TMEM132D: variants seen among roughly 807,000 people sequenced by gnomAD.
TMEM132D encodes transmembrane protein 132D.
In TMEM132D, 21 loss-of-function variants were observed where a neutral mutation model predicts 62.3. That is an observed-to-expected ratio of 0.34 (90% CI 0.24 to 0.49). TMEM132D has a LOEUF of 0.49. Among genes scored for constraint, TMEM132D ranks in the 20% least tolerant of loss-of-function variants. The pLI, the probability that TMEM132D is intolerant of heterozygous loss-of-function variation, is 0.99. For missense variants in TMEM132D, 1,346 were observed against 1,402.8 expected (o/e 0.96, Z 0.65); for synonymous variants, 621 against 575.6 (o/e 1.08, Z -1.13).
intron 5 of TMEM132D, among the ~76,000 whole-genome samples, chr12:129,113,627 T>A (rs974998361): frequency 2.0e-5 from 3 of 152,054 alleles, no homozygotes; most frequent in South Asian, 2.1e-4. Flanking sequence ...TGTTCTAGGG[T>A]GGAGAGTTTG....
rs542496038 is a variant in TMEM132D, at chr12:129,832,678, C to T, written c.79+70583G>A. ...GCCCGGCAGGTGAAGGGCTGAGGTG[C>T]GCAGGCTCAGAGATAGTCAGGGGAC... is the stretch of plus-strand genomic sequence containing the variant. On this transcript the variant is annotated intron_variant, in intron 1 of 8. Coordinates refer to ENST00000422113, the MANE Select transcript of TMEM132D (RefSeq NM_133448.3). 3.4e-3 allele frequency among the ~76,000 whole-genome samples: 510 copies of T among 152,228 alleles called. 1 individual carries two copies. Among genetic ancestry groups the T allele is most frequent in the Non-Finnish European group, 5.3e-3 (358 of 68,016 alleles).
chr12:129,419,898 G>T (rs761233070), intron 3 of TMEM132D, among the ~76,000 whole-genome samples: 11 of 152,032 alleles, frequency 7.2e-5, no homozygotes, highest in Non-Finnish European at 1.2e-4. Context: ...ATGTGGGAGG[G>T]GGTGGGTCAC....
chr12:129,427,027 G>T (rs752477029), intron 3 of TMEM132D, among the ~76,000 whole-genome samples: 3 of 152,196 alleles, frequency 2.0e-5, no homozygotes, highest in Non-Finnish European at 4.4e-5. Flanking sequence ...CAGGGGCAGT[G>T]GAGCCAACCT....
chr12:129,330,069 T>C (rs1869054300), intron 4 of TMEM132D, among the ~76,000 whole-genome samples: 1 of 152,140 alleles, frequency 6.6e-6, no homozygotes, highest in South Asian at 2.1e-4. Flanking sequence ...CATGCCTTAA[T>C]CGAGAAGATT....
chr12:129,580,940 T>C (rs1038397164), intron 2 of TMEM132D, among the ~76,000 whole-genome samples: 1 of 152,154 alleles, frequency 6.6e-6, no homozygotes, highest in African/African-American at 2.4e-5. Flanking sequence ...TTTTCTCAAT[T>C]GGCATTACTC....
intron 1 of TMEM132D, among the ~76,000 whole-genome samples, chr12:129,775,435 GC>G (rs1870889953): frequency 6.6e-6 from 1 of 152,110 alleles, no homozygotes; most frequent in African/African-American, 2.4e-5. Context: ...CTGTGCAGAG[GC>G]CCCTCTCAAG....
At chr12:129,777,783 C>CA (rs796484784) in intron 1 of TMEM132D, among the ~76,000 whole-genome samples, 78 of 151,680 alleles carry the variant, frequency 5.1e-4, no homozygotes, top group African/African-American at 1.8e-3. Flanking sequence ...ACATATAAAA[C>CA]AAAAAAAATC....
At chr12:129,209,725 T>G in intron 4 of TMEM132D, 62 bp from the exon 5 acceptor site, 2 of 1,593,142 alleles carry the variant, frequency 1.3e-6, no homozygotes, top group South Asian at 2.3e-5. Flanking sequence ...TCCCTGGGAG[T>G]ATGCCGCCTG....
intron 3 of TMEM132D, among the ~76,000 whole-genome samples, chr12:129,457,153 C>T (rs1009723491): frequency 2.8e-4 from 42 of 151,720 alleles, no homozygotes; most frequent in African/African-American, 4.4e-4. Context: ...ATGTTTATTG[C>T]GGCACTATTC....
At chr12:129,085,613 T>C (rs1874591739) in intron 5 of TMEM132D, 1 of 152,220 alleles carries the variant, frequency 6.6e-6, no homozygotes, top group South Asian at 2.1e-4. Flanking sequence ...CGGATTCCTT[T>C]CATCCTCAGA....
intron 1 of TMEM132D, among the ~76,000 whole-genome samples, chr12:129,733,044 C>T (rs1398702085): frequency 6.6e-6 from 1 of 152,226 alleles, no homozygotes; most frequent in Non-Finnish European, 1.5e-5. Context: ...ACCTCACACT[C>T]TTGGTTTGAT....
intron 1 of TMEM132D, among the ~76,000 whole-genome samples, chr12:129,839,555 G>A (rs1239717883): frequency 6.6e-6 from 1 of 152,084 alleles, no homozygotes; most frequent in Non-Finnish European, 1.5e-5. Flanking sequence ...GATCCACTGT[G>A]CCCGGCCTTA....
chr12:129,528,001 A>G (rs546969732), intron 3 of TMEM132D, among the ~76,000 whole-genome samples: 2 of 152,224 alleles, frequency 1.3e-5, no homozygotes, highest in Non-Finnish European at 2.9e-5. Flanking sequence ...CTTCATTAAC[A>G]CAACTTCCTG....
At chr12:129,160,292 G>C (rs146290743) in intron 5 of TMEM132D, among the ~76,000 whole-genome samples, 1 of 152,328 alleles carries the variant, frequency 6.6e-6, no homozygotes, top group African/African-American at 2.4e-5. Flanking sequence ...AAGTGGGCTG[G>C]AATAGTTGGC....
In TMEM132D at chr12:129,580,939, T is replaced by C. The variant is rs73439523; in HGVS notation, c.969-49734A>G. Among the ~76,000 whole-genome samples, 577 of 152,272 alleles carry C rather than the reference T, an allele frequency of 3.8e-3. 6 individuals carry two copies. The highest frequency in any genetic ancestry group is 0.013 in the African/African-American group (549 of 41,546). ...CCATCAATTGTACCAGTTTTCTCAA[T>C]TGGCATTACTCTGCAATGCACGGAC... On this transcript the variant is annotated intron_variant, in intron 2 of 8. Coordinates refer to ENST00000422113, the MANE Select transcript of TMEM132D (RefSeq NM_133448.3).
At position 129,221,983 on chromosome 12, in the gene TMEM132D, A is replaced by G. The variant is rs1432861679; in HGVS notation, c.1300-12320T>C. On this transcript the variant is annotated intron_variant, in intron 4 of 8. Transcript: ENST00000422113. ...CTTCTTTTGACAAGTGCAGAGTATCAGTCAAATTGGCACCTGCATTGCAAA... is the reference window on the plus strand; with the variant it reads ...CTTCTTTTGACAAGTGCAGAGTATCGGTCAAATTGGCACCTGCATTGCAAA... 2.0e-5 allele frequency among the ~76,000 whole-genome samples: 3 copies of G among 152,364 alleles called. No homozygotes were observed. The East Asian group carries it at 5.8e-4, about 29-fold the overall frequency.
At chr12:129,146,878 T>C (rs549544207) in intron 5 of TMEM132D, among the ~76,000 whole-genome samples, 1 of 152,174 alleles carries the variant, frequency 6.6e-6, no homozygotes, top group Admixed American at 6.5e-5. Context: ...ACTGCTGTTA[T>C]CTTCATTCTA....
intron 1 of TMEM132D, among the ~76,000 whole-genome samples, chr12:129,752,987 G>A (rs1037039755): frequency 2.0e-5 from 3 of 152,202 alleles, no homozygotes; most frequent in Admixed American, 6.5e-5. Context: ...ATGTTGGACA[G>A]GCAAAAGACA....
chr12:129,773,099 T>G (rs769395172), intron 1 of TMEM132D, among the ~76,000 whole-genome samples: 2 of 152,246 alleles, frequency 1.3e-5, no homozygotes, highest in Non-Finnish European at 2.9e-5. Flanking sequence ...CTCCTGGGTA[T>G]GCAAGGATCT....
Sources: allele counts gnomAD v4.1 joint callset (sites outside exome capture counted in the v4.1 genomes callset), GRCh38; gene constraint gnomAD v4.1.1; transcripts MANE v1.5; gene names NCBI Gene and HGNC (gene_info 2026-07-23, HGNC 2026-07-21).